GRIN2A: variants seen among roughly 807,000 people sequenced by gnomAD.
GRIN2A encodes the protein glutamate receptor ionotropic, NMDA 2A.
In GRIN2A, 22 loss-of-function variants were observed where a neutral mutation model predicts 113.4. The ratio of observed to expected loss-of-function variants is 0.19; its 90% CI spans 0.14 to 0.28. GRIN2A has a LOEUF of 0.28. Among genes scored for constraint, GRIN2A ranks in the 10% least tolerant of loss-of-function variants. The pLI, the probability that GRIN2A is intolerant of heterozygous loss-of-function variation, is 1.00. For synonymous variants in GRIN2A, 827 were observed against 738.4 expected, an observed-to-expected ratio of 1.12 and a Z score of -1.94; for missense variants, 1,502 against 1,887.0, an observed-to-expected ratio of 0.80 and a Z score of 3.78.
intron 2 of GRIN2A, among the ~76,000 whole-genome samples, chr16:10,117,342 G>T (rs370715465): frequency 6.6e-6 from 1 of 152,168 alleles, no homozygotes; most frequent in Admixed American, 6.5e-5. Context: ...GAGATGAAAT[G>T]ATAGGATGTT....
At chr16:10,160,072 G>C (rs1488506195) in intron 2 of GRIN2A, among the ~76,000 whole-genome samples, 1 of 152,240 alleles carries the variant, frequency 6.6e-6, no homozygotes, top group Admixed American at 6.5e-5. Flanking sequence ...CCTGATTTCA[G>C]ACTTCTGCCC....
chr16:10,091,187 C>G (rs889693685), intron 2 of GRIN2A, among the ~76,000 whole-genome samples: 2 of 152,200 alleles, frequency 1.3e-5, no homozygotes, highest in African/African-American at 4.8e-5. Context: ...AGCAATTCCA[C>G]TTATAGGTAT....
At chr16:9,978,345 T>C (rs2045817624) in intron 2 of GRIN2A, among the ~76,000 whole-genome samples, 1 of 152,182 alleles carries the variant, frequency 6.6e-6, no homozygotes, top group African/African-American at 2.4e-5. Context: ...CTTTTCACCT[T>C]GCTTACCCTC....
In GRIN2A at chr16:10,116,158, C is replaced by T. The variant is rs1464472732; in HGVS notation, c.414+63840G>A. Among the ~76,000 whole-genome samples, 8 of 152,304 alleles carry T rather than the reference C, an allele frequency of 5.3e-5. No individual in the cohort carries two copies. In the South Asian group the frequency reaches 6.2e-4, roughly 12 times the overall value. The stretch of plus-strand genomic sequence containing the variant: ...CCAGCCATAAAAAGGAATGAGATCA[C>T]GTCCTTTGCAGGGACATGGATGAAG... On this transcript the variant is annotated intron_variant, in intron 2 of 12. Transcript: ENST00000330684.
intron 2 of GRIN2A, among the ~76,000 whole-genome samples, chr16:10,020,800 G>T (rs1156428534): frequency 1.3e-5 from 2 of 152,100 alleles, no homozygotes; most frequent in Non-Finnish European, 2.9e-5. Context: ...CTATAATTAT[G>T]ATCATCATTA....
chr16:9,868,272 T>C (rs556316229), intron 4 of GRIN2A, among the ~76,000 whole-genome samples: 1 of 152,216 alleles, frequency 6.6e-6, no homozygotes, highest in African/African-American at 2.4e-5. Flanking sequence ...CATCACTTTA[T>C]TTTTTATTTT....
At chr16:9,782,368 A>C (rs1901987232) in intron 11 of GRIN2A, among the ~76,000 whole-genome samples, 1 of 152,228 alleles carries the variant, frequency 6.6e-6, no homozygotes, top group Admixed American at 6.5e-5. Flanking sequence ...GAGCATCCAC[A>C]GATTTTGGTG....
At chr16:9,946,662 C>T (rs1034773587) in intron 2 of GRIN2A, among the ~76,000 whole-genome samples, 7 of 152,232 alleles carry the variant, frequency 4.6e-5, no homozygotes, top group Admixed American at 2.6e-4. Flanking sequence ...GTAATTAATT[C>T]GGGGGTGGAA....
At chr16:10,167,508 T>A (rs144820051) in intron 2 of GRIN2A, among the ~76,000 whole-genome samples, 134 of 152,170 alleles carry the variant, frequency 8.8e-4, no homozygotes, top group Non-Finnish European at 1.2e-3. Flanking sequence ...TAAGAGAAGA[T>A]CCTTTCCATA....
chr16:10,107,930 G>A (rs2048529668), intron 2 of GRIN2A, among the ~76,000 whole-genome samples: 2 of 152,200 alleles, frequency 1.3e-5, no homozygotes, highest in African/African-American at 4.8e-5. Flanking sequence ...ACCCTCTGGT[G>A]GGGAGAGCTG....
At chr16:9,840,893 C>T (rs766361530) in intron 6 of GRIN2A, 43 bp downstream of exon 6, 33 of 1,605,564 alleles carry the variant, frequency 2.1e-5, no homozygotes, top group Non-Finnish European at 2.4e-5. Context: ...GACTGCAGGC[C>T]CTTTGTCTGA....
At chr16:10,165,553 C>T (rs2049898565) in intron 2 of GRIN2A, among the ~76,000 whole-genome samples, 1 of 143,568 alleles carries the variant, frequency 7.0e-6, no homozygotes, top group South Asian at 2.2e-4. Flanking sequence ...GACATATTTA[C>T]TGATGAACAC....
intron 3 of GRIN2A, among the ~76,000 whole-genome samples, chr16:9,925,979 T>C (rs1036811403): frequency 6.6e-6 from 1 of 152,226 alleles, no homozygotes; most frequent in Non-Finnish European, 1.5e-5. Context: ...GACAATTTCT[T>C]AAGCAAGTAA....
intron 2 of GRIN2A, among the ~76,000 whole-genome samples, chr16:9,965,419 C>A (rs1207114949): frequency 6.6e-6 from 1 of 152,166 alleles, no homozygotes; most frequent in Non-Finnish European, 1.5e-5. Flanking sequence ...AAAAGTTGGG[C>A]AGTGAGGAAG....
At chr16:9,855,048 T>A (rs9926912) in intron 4 of GRIN2A, among the ~76,000 whole-genome samples, 47,034 of 151,794 alleles carry the variant, frequency 0.31, 7,830 homozygotes, top group African/African-American at 0.42. Flanking sequence ...TACATGTATA[T>A]GCACATATGG....
chr16:9,890,964 C>T (rs1387276599), intron 4 of GRIN2A, 22 bp downstream of exon 4: 3 of 1,427,546 alleles, frequency 2.1e-6, no homozygotes, highest in South Asian at 2.3e-5. Context: ...CCCCTGCATT[C>T]AGCACACAGA....
chr16:10,044,222 T>C (rs11074551), intron 2 of GRIN2A, among the ~76,000 whole-genome samples: 147,820 of 151,856 alleles, frequency 0.97, 72,088 homozygotes, highest in East Asian at 1. Flanking sequence ...TTAGTAAATA[T>C]GGGGTTTCAC....
At chr16:10,165,363 A>G (rs1413226795) in intron 2 of GRIN2A, among the ~76,000 whole-genome samples, 1 of 151,752 alleles carries the variant, frequency 6.6e-6, no homozygotes, top group Admixed American at 6.6e-5. Flanking sequence ...TTGTCTGTGG[A>G]TGCTGAGAGT....
intron 3 of GRIN2A, among the ~76,000 whole-genome samples, chr16:9,930,473 C>T (rs11862763): frequency 1.8e-3 from 272 of 152,320 alleles, no homozygotes; most frequent in African/African-American, 6.1e-3. Context: ...TCTCTCACCT[C>T]GTATCTCTTG....
Sources: gnomAD v4.1 joint callset for allele counts (sites outside exome capture counted in the v4.1 genomes callset) on GRCh38, gnomAD v4.1.1 for gene constraint, MANE v1.5 for transcripts, NCBI Gene and HGNC (gene_info 2026-07-23, HGNC 2026-07-21) for gene names.